XPR1: variants seen among roughly 807,000 people sequenced by gnomAD.
XPR1 encodes solute carrier family 53 member 1.
In XPR1, 28 loss-of-function variants were observed where a neutral mutation model predicts 87.5. That is an observed-to-expected ratio of 0.32 (90% CI 0.24 to 0.44). XPR1 has a LOEUF of 0.44. XPR1 is among the 20% of genes least tolerant of loss of function. The probability of loss-of-function intolerance (pLI) is 1.00; values close to 1 mark genes in which losing one functional copy is unlikely to be tolerated. For missense variants in XPR1, 559 were observed against 862.3 expected (o/e 0.65, Z 4.41); for synonymous variants, 300 against 306.1 (o/e 0.98, Z 0.21).
intron 2 of XPR1, among the ~76,000 whole-genome samples, chr1:180,726,508 AC>A (rs1393574138): frequency 2.6e-5 from 4 of 152,232 alleles, no homozygotes; most frequent in Non-Finnish European, 4.4e-5. Context: ...AACTCCGGAC[AC>A]AGTTCTGTTT....
At chr1:180,658,227 C>G (rs1366196570) in intron 1 of XPR1, among the ~76,000 whole-genome samples, 1 of 152,212 alleles carries the variant, frequency 6.6e-6, no homozygotes, top group East Asian at 1.9e-4. Context: ...ATCATATCAT[C>G]TGCAAACATG....
chr1:180,720,041 A>G (rs1658127718), intron 2 of XPR1, among the ~76,000 whole-genome samples: 2 of 152,108 alleles, frequency 1.3e-5, no homozygotes, highest in African/African-American at 4.8e-5. Flanking sequence ...GGGGATTAGT[A>G]GAGCCAAAAT....
At chr1:180,771,833 T>C (rs1648527648) in intron 2 of XPR1, among the ~76,000 whole-genome samples, 1 of 152,200 alleles carries the variant, frequency 6.6e-6, no homozygotes, top group East Asian at 1.9e-4. Flanking sequence ...TTATTGGTAG[T>C]ATTAACCTTG....
At chr1:180,730,859 G>T (rs1658535904) in intron 2 of XPR1, among the ~76,000 whole-genome samples, 1 of 151,752 alleles carries the variant, frequency 6.6e-6, no homozygotes, top group Non-Finnish European at 1.5e-5. Context: ...TAGAGATGAG[G>T]TCTTGCTGTG....
intron 10 of XPR1, 35 bp downstream of exon 10, chr1:180,835,080 G>A (rs143820529): frequency 2.3e-4 from 376 of 1,600,842 alleles, no homozygotes; most frequent in Non-Finnish European, 2.8e-4. Context: ...CTACTAAATC[G>A]CTGGTGTAAA....
At chr1:180,760,493 A>G (rs577007769) in intron 2 of XPR1, among the ~76,000 whole-genome samples, 1 of 152,342 alleles carries the variant, frequency 6.6e-6, no homozygotes, top group Non-Finnish European at 1.5e-5. Context: ...GAGCCAAATC[A>G]TGAGTGAACT....
At chr1:180,671,555 C>T (rs1331266570) in intron 1 of XPR1, among the ~76,000 whole-genome samples, 5 of 152,066 alleles carry the variant, frequency 3.3e-5, no homozygotes, top group African/African-American at 9.7e-5. Flanking sequence ...GACGGAGTCT[C>T]GTCCTGTCAC....
chr1:180,657,779 T>C (rs1193601153), intron 1 of XPR1, among the ~76,000 whole-genome samples: 18 of 152,218 alleles, frequency 1.2e-4, no homozygotes, highest in Admixed American at 8.5e-4. Context: ...GAGTCTTTTA[T>C]GGTTTCATAT....
rs568050434 is a variant in XPR1 at position 180,707,992 on chromosome 1, G to A, written c.121+25581G>A. 2.0e-5 allele frequency among the ~76,000 whole-genome samples: 3 copies of A among 152,202 alleles called. No individual in the cohort carries two copies. In the South Asian group the frequency reaches 6.2e-4, roughly 32 times the overall value. The stretch of plus-strand genomic sequence containing the variant: ...TGAGGTCTTTTAGAACGCCTAGTTG[G>A]AAATTTAAATAAAACAATTAGGTCA... On this transcript the variant is annotated intron_variant, in intron 2 of 14. Coordinates refer to ENST00000367590, the MANE Select transcript of XPR1 (RefSeq NM_004736.4).
Position 180,885,270 on chromosome 1 carries a change from A to G in XPR1, c.*1204A>G, listed in dbSNP as rs1236290547. The G allele has an allele frequency of 6.5e-6, 1 of 152,680 alleles. No homozygotes were observed. Among genetic ancestry groups the G allele is most frequent in the Non-Finnish European group, 1.5e-5 (1 of 68,050 alleles). The allele number at this position is 152,680 out of a possible 1,614,324, so 9.5% of individuals were successfully genotyped here. ...CACATGGAACAAATTATACTTCCTCATTCATATTATGTTGATACAAAAGAC... is the reference window on the plus strand; with the variant it reads ...CACATGGAACAAATTATACTTCCTCGTTCATATTATGTTGATACAAAAGAC... On this transcript the variant is annotated 3_prime_UTR_variant, in exon 15 of 15. Transcript: ENST00000367590.
intron 1 of XPR1, among the ~76,000 whole-genome samples, chr1:180,636,773 T>C (rs1459402248): frequency 6.6e-6 from 1 of 152,030 alleles, no homozygotes; most frequent in Non-Finnish European, 1.5e-5. Context: ...GTAAGGGGGC[T>C]GGACACGGTG....
intron 11 of XPR1, among the ~76,000 whole-genome samples, chr1:180,857,107 T>G (rs912121663): frequency 2.0e-5 from 3 of 152,248 alleles, no homozygotes; most frequent in Admixed American, 1.3e-4. Context: ...TTTACCTGTT[T>G]CCACCTTTTT....
In XPR1 at chr1:180,861,168, C is replaced by A. The variant is rs1177670240; in HGVS notation, c.1502-2540C>A. The stretch of plus-strand genomic sequence containing the variant: ...CTCTATTCTCATGTCCTTTTACTAG[C>A]AGACAAAACAATAGCTTATTATTAG... On this transcript the variant is annotated intron_variant, in intron 11 of 14. Coordinates refer to ENST00000367590, the MANE Select transcript of XPR1 (RefSeq NM_004736.4). Among the ~76,000 whole-genome samples the A allele has an allele frequency of 3.9e-5, 6 of 152,178 alleles. No individual in the cohort carries two copies. In the East Asian group the frequency reaches 1.2e-3, roughly 29 times the overall value.
chr1:180,762,794 A>G (rs1648098093), intron 2 of XPR1, among the ~76,000 whole-genome samples: 1 of 152,204 alleles, frequency 6.6e-6, no homozygotes, highest in African/African-American at 2.4e-5. Context: ...GGAATTAAGG[A>G]TGCCTATGAC....
intron 1 of XPR1, among the ~76,000 whole-genome samples, chr1:180,634,897 A>G (rs968734067): frequency 1.3e-5 from 2 of 151,966 alleles, no homozygotes; most frequent in African/African-American, 4.8e-5. Flanking sequence ...TGTGTTAGCC[A>G]TGAGACCTGG....
intron 2 of XPR1, among the ~76,000 whole-genome samples, chr1:180,705,597 A>T (rs911088028): frequency 6.6e-5 from 10 of 152,220 alleles, no homozygotes; most frequent in Admixed American, 1.3e-4. Flanking sequence ...ATTTTAAAGG[A>T]TACATCAAAA....
intron 2 of XPR1, among the ~76,000 whole-genome samples, chr1:180,744,024 G>A (rs1659003038): frequency 6.6e-6 from 1 of 152,074 alleles, no homozygotes; most frequent in Admixed American, 6.6e-5. Context: ...CACCAAATTT[G>A]GGATGTTTTT....
At chr1:180,779,568 A>G (rs187410394) in intron 2 of XPR1, among the ~76,000 whole-genome samples, 19 of 152,108 alleles carry the variant, frequency 1.2e-4, no homozygotes, top group African/African-American at 4.6e-4. Context: ...CAGCCTGGCC[A>G]ACATGGTGAA....
At chr1:180,733,216 A>G (rs1445114052) in intron 2 of XPR1, among the ~76,000 whole-genome samples, 1 of 152,196 alleles carries the variant, frequency 6.6e-6, no homozygotes, top group East Asian at 1.9e-4. Context: ...ACATTTGGGC[A>G]GGAAAACAAA....
Sources: allele counts gnomAD v4.1 joint callset (sites outside exome capture counted in the v4.1 genomes callset), GRCh38; gene constraint gnomAD v4.1.1; transcripts MANE v1.5; gene names NCBI Gene and HGNC (gene_info 2026-07-23, HGNC 2026-07-21).